Variants in CCDC28A observed in about 807,000 individuals in gnomAD.
CCDC28A encodes coiled-coil domain-containing protein 28A.
Under a neutral mutation model 22.1 loss-of-function variants are expected in CCDC28A, and 24 were observed. The observed-to-expected ratio is 1.09, with a 90% confidence interval of 0.79 to 1.53. The LOEUF is 1.53. Ranked by LOEUF, CCDC28A falls within the 40% of genes most tolerant of loss-of-function variation. CCDC28A has a pLI of 0.00. For missense variants in CCDC28A, 170 were observed against 210.7 expected (o/e 0.81, Z 1.20); for synonymous variants, 83 against 74.7 (o/e 1.11, Z -0.57).
intron 3 of CCDC28A, 142 bp downstream of exon 3, chr6:138,780,127 A>AT (rs1774994761): frequency 3.3e-6 from 2 of 607,398 alleles, no homozygotes; most frequent in East Asian, 3.3e-5. Flanking sequence ...ATCATCCTAG[A>AT]TTTTGTCTTA....
intron 4 of CCDC28A, among the ~76,000 whole-genome samples, chr6:138,787,868 A>G (rs1446168066): frequency 1.3e-5 from 2 of 151,266 alleles, no homozygotes; most frequent in South Asian, 2.1e-4. Flanking sequence ...ATGCTACTTA[A>G]TAATTATTTT....
intron 2 of CCDC28A, among the ~76,000 whole-genome samples, chr6:138,778,703 T>C (rs1338077202): frequency 1.3e-5 from 2 of 151,660 alleles, no homozygotes; most frequent in East Asian, 1.9e-4. Context: ...GGCTAGAGCA[T>C]AGATGAGGAT....
intron 2 of CCDC28A, among the ~76,000 whole-genome samples, chr6:138,779,257 T>G (rs570818254): frequency 1.3e-5 from 2 of 152,284 alleles, no homozygotes; most frequent in South Asian, 4.1e-4. Flanking sequence ...AGATATTTTG[T>G]GGGTATAATT....
At chr6:138,781,305 T>C (rs1775017495) in intron 3 of CCDC28A, among the ~76,000 whole-genome samples, 1 of 152,244 alleles carries the variant, frequency 6.6e-6, no homozygotes, top group African/African-American at 2.4e-5. Flanking sequence ...TTTATTCAAC[T>C]ATGTCCCTAT....
intron 5 of CCDC28A, among the ~76,000 whole-genome samples, chr6:138,790,492 G>A (rs1411620104): frequency 6.6e-6 from 1 of 151,966 alleles, no homozygotes; most frequent in Non-Finnish European, 1.5e-5. Flanking sequence ...TTTTTGTTTT[G>A]TTTTGTTTTA....
intron 2 of CCDC28A, among the ~76,000 whole-genome samples, chr6:138,779,090 C>T (rs887341607): frequency 1.3e-5 from 2 of 152,128 alleles, no homozygotes; most frequent in African/African-American, 4.8e-5. Flanking sequence ...TTTAATTAAG[C>T]AAATTGTATG....
Position 138,779,847 on chromosome 6 carries a change from C to G in CCDC28A, c.184C>G (p.Gln62Glu), listed in dbSNP as rs1465106545. 1 of 1,613,014 alleles carries G rather than the reference C, an allele frequency of 6.2e-7. No homozygotes were observed. The highest frequency in any genetic ancestry group is 8.5e-7 in the Non-Finnish European group (1 of 1,179,580). Residue 62 changes from glutamine (Q) to glutamate (E), a missense_variant, in exon 3 of 6, where the codon CAG becomes GAG. Transcript: ENST00000617445. ...AGTGATGAAAGAAAAGACCAAACCT[C>G]AGGGTGGAGAGGGCAAAGGCGCTCA... is the stretch of plus-strand genomic sequence containing the variant. ...KRVMKEKTKPQGGEGKGAQST... is the reference protein window; with the variant it reads ...KRVMKEKTKPEGGEGKGAQST...
chr6:138,787,556 T>G (rs1244128684), intron 4 of CCDC28A, among the ~76,000 whole-genome samples: 2 of 152,334 alleles, frequency 1.3e-5, no homozygotes, highest in African/African-American at 4.8e-5. Flanking sequence ...TAATCTATGA[T>G]GGTTTTAAAG....
At chr6:138,784,521 G>A (rs769503750) in intron 3 of CCDC28A, among the ~76,000 whole-genome samples, 4 of 151,016 alleles carry the variant, frequency 2.6e-5, no homozygotes, top group South Asian at 2.1e-4. Flanking sequence ...TAGTTAATGC[G>A]TGTTTTTTAA....
chr6:138,792,158 A>T (rs1175024441), intron 5 of CCDC28A, among the ~76,000 whole-genome samples: 2 of 152,230 alleles, frequency 1.3e-5, no homozygotes, highest in African/African-American at 4.8e-5. Context: ...TCTTCTCAAA[A>T]GATTTTTTTA....
chr6:138,785,006 T>C (rs1193028121), intron 3 of CCDC28A, among the ~76,000 whole-genome samples: 1 of 152,222 alleles, frequency 6.6e-6, no homozygotes, highest in African/African-American at 2.4e-5. Flanking sequence ...ATATTTCCCA[T>C]ATGATTTTCT....
chr6:138,775,965 C>T (rs1774924501), intron 1 of CCDC28A, 114 bp from the exon 2 acceptor site: 1 of 843,050 alleles, frequency 1.2e-6, no homozygotes, highest in Non-Finnish European at 1.9e-6. Context: ...CTAACTTTCT[C>T]TTATGCCCTC....
chr6:138,778,441 C>T (rs752549556), intron 2 of CCDC28A, among the ~76,000 whole-genome samples: 2 of 152,164 alleles, frequency 1.3e-5, no homozygotes, highest in African/African-American at 2.4e-5. Context: ...CTTCCTATAT[C>T]GCAGTGCGCA....
intron 5 of CCDC28A, among the ~76,000 whole-genome samples, chr6:138,790,055 G>T (rs1775147352): frequency 6.6e-6 from 1 of 152,050 alleles, no homozygotes; most frequent in South Asian, 2.1e-4. Context: ...TTAATCAAGG[G>T]GCTTTTCCTG....
chr6:138,779,389 A>G (rs1774983688), intron 2 of CCDC28A, among the ~76,000 whole-genome samples: 1 of 152,190 alleles, frequency 6.6e-6, no homozygotes, highest in South Asian at 2.1e-4. Context: ...TTCTCTTTAG[A>G]CGGGGCATTT....
chr6:138,783,876 C>CTT (rs577197452), intron 3 of CCDC28A, among the ~76,000 whole-genome samples: 29,064 of 125,256 alleles, frequency 0.23, 3,693 homozygotes, highest in African/African-American at 0.28. Flanking sequence ...AGCCAGAACT[C>CTT]TTTTTTTTTT....
At chr6:138,775,281 A>C (rs1420359569) in intron 1 of CCDC28A, among the ~76,000 whole-genome samples, 1 of 152,232 alleles carries the variant, frequency 6.6e-6, no homozygotes. Context: ...GCGGATTAAT[A>C]GATAAAGTAA....
rs564949933 is a variant in CCDC28A, at chr6:138,783,435, AT to A, written c.323-1772del. Among the ~76,000 whole-genome samples the A allele has an allele frequency of 3.3e-3, 389 of 119,062 alleles. 2 individuals are homozygous for A. The highest frequency in any genetic ancestry group is 1.0e-2 in the African/African-American group (300 of 30,108). 78.1% of individuals were successfully genotyped at this position (119,062 alleles called of 152,430 possible). A position where few individuals can be genotyped will look rare whatever the true frequency, so the allele number is the denominator to read the frequency against. Reference sequence around the variant, plus strand: ...AGGCACACACCACCACACCCAGCTAATTTTTTTTTTTTTTTTTTTTGAGATG... The same window carrying A: ...AGGCACACACCACCACACCCAGCTAATTTTTTTTTTTTTTTTTTTGAGATG... On this transcript the variant is annotated intron_variant, in intron 3 of 5. Transcript: ENST00000617445.
At chr6:138,781,573 C>A (rs762562432) in intron 3 of CCDC28A, among the ~76,000 whole-genome samples, 1 of 152,152 alleles carries the variant, frequency 6.6e-6, no homozygotes, top group Admixed American at 6.5e-5. Context: ...TCCCGCCAAG[C>A]AGTAGGTATT....
Sources: allele counts gnomAD v4.1 joint callset (sites outside exome capture counted in the v4.1 genomes callset), GRCh38; gene constraint gnomAD v4.1.1; transcripts MANE v1.5; gene names NCBI Gene and HGNC (gene_info 2026-07-23, HGNC 2026-07-21).